Variants in ANKHD1 observed in about 807,000 individuals in gnomAD.
The protein encoded by ANKHD1 is ankyrin repeat and KH domain containing 1, also known as ankyrin repeat and KH domain-containing protein 1.
A neutral mutation model predicts 230.5 loss-of-function variants in ANKHD1; 31 were observed. That is an observed-to-expected ratio of 0.13 (90% CI 0.10 to 0.18). The LOEUF is 0.18. Ranked by LOEUF, ANKHD1 falls within the 10% of genes least tolerant of loss-of-function variation. The pLI, the probability that ANKHD1 is intolerant of heterozygous loss-of-function variation, is 1.00. For synonymous variants in ANKHD1, 1,074 were observed against 1,117.6 expected (o/e 0.96, Z 0.78); for missense variants, 2,256 against 3,071.3 (o/e 0.73, Z 6.27).
In ANKHD1 at chr5:140,471,461, G is replaced by C. The variant is rs189902272; in HGVS notation, c.1782+6685G>C. ...TAAGGTGGCAGGGAAGAGGAAGTGA[G>C]CCTTAACAGTTAGCTTCTTAAAATC... is the stretch of plus-strand genomic sequence containing the variant. On this transcript the variant is annotated intron_variant, in intron 10 of 33. Coordinates refer to ENST00000360839, the MANE Select transcript of ANKHD1 (RefSeq NM_017747.3). Among the ~76,000 whole-genome samples the C allele has an allele frequency of 2.4e-3, 372 of 152,300 alleles. 1 individual carries two copies. The highest frequency in any genetic ancestry group is 3.9e-3 in the Non-Finnish European group (268 of 68,008).
chr5:140,468,591 G>A (rs1384397713), intron 10 of ANKHD1, among the ~76,000 whole-genome samples: 4 of 151,980 alleles, frequency 2.6e-5, no homozygotes, highest in Admixed American at 6.6e-5. Context: ...AGAAAACATA[G>A]ACCCAAGTCC....
chr5:140,442,039 T>TC (rs1773894073), intron 5 of ANKHD1, among the ~76,000 whole-genome samples: 1 of 138,564 alleles, frequency 7.2e-6, no homozygotes, highest in African/African-American at 2.7e-5. Flanking sequence ...TATTCTTTTT[T>TC]TTTTTTTTTT....
intron 1 of ANKHD1, among the ~76,000 whole-genome samples, chr5:140,404,610 T>C (rs1770264595): frequency 6.6e-6 from 1 of 151,960 alleles, no homozygotes; most frequent in African/African-American, 2.4e-5. Context: ...TTTTTTTGTA[T>C]TTTTAGTAGA....
At chr5:140,405,442 C>G (rs1770358406) in intron 1 of ANKHD1, among the ~76,000 whole-genome samples, 1 of 151,964 alleles carries the variant, frequency 6.6e-6, no homozygotes, top group Non-Finnish European at 1.5e-5. Flanking sequence ...ATAAAATGAC[C>G]TGTTTTGGCC....
chr5:140,516,877 T>C (rs1753037825), intron 24 of ANKHD1, among the ~76,000 whole-genome samples: 1 of 150,848 alleles, frequency 6.6e-6, no homozygotes, highest in African/African-American at 2.4e-5. Flanking sequence ...AGAAACTGCA[T>C]CAACTAACGA....
chr5:140,539,391 A>G lies in ANKHD1; in HGVS notation c.7602A>G (p.Gly2534=). Residue 2534 remains glycine, a synonymous_variant, in exon 34 of 34, where the codon GGA becomes GGG. Coordinates refer to ENST00000360839, the MANE Select transcript of ANKHD1 (RefSeq NM_017747.3). ...CTGGCACGTGGGCACCTCATATTGG[A>G]AACATGCATCTCAAATATGTCAACT... ...IWPGTWAPHI[G]NMHLKYVN is the part of the protein sequence containing the mutation. 1 of 1,613,936 alleles carries G rather than the reference A, an allele frequency of 6.2e-7. No homozygotes were observed. Among genetic ancestry groups the G allele is most frequent in the Non-Finnish European group, 8.5e-7 (1 of 1,179,898 alleles).
At position 140,459,336 on chromosome 5, in the gene ANKHD1, T is replaced by C. The variant is rs1775534654; in HGVS notation, c.1653T>C (p.Val551=). ...CTCAGGAGGGACACCTGGAATTGGT[T>C]AAATATTTGCTGGCTTCTGGTATGT... ...EASQEGHLEL[V]KYLLASGANV... Residue 551 remains valine (V), a synonymous_variant, in exon 9 of 34, where the codon GTT becomes GTC. Transcript: ENST00000360839. 1.3e-6 allele frequency: 2 copies of C among 1,570,630 alleles called. No homozygotes were observed. Among genetic ancestry groups the C allele is most frequent in the Non-Finnish European group, 8.7e-7 (1 of 1,152,170 alleles).
Position 140,539,031 on chromosome 5 carries a change from A to G in ANKHD1, c.7517A>G (p.Asn2506Ser). The change falls in exon 33 of 34, where the codon AAC becomes AGC. Residue 2506 changes from asparagine (N) to serine (S), a missense_variant. This residue lies in a region of ANKHD1 where 778 missense variants were observed against 966.5 expected (regional missense o/e 0.80). Transcript: ENST00000360839. ...CTTCACAATCCAGATCCTGCTTGGAACCCTATGATAAAAGTTATCCAAAAT... is the reference window on the plus strand; with the variant it reads ...CTTCACAATCCAGATCCTGCTTGGAGCCCTATGATAAAAGTTATCCAAAAT... ...NGLHNPDPAWNPMIKVIQNST... is the reference protein window; with the variant it reads ...NGLHNPDPAWSPMIKVIQNST... 4.3e-6 allele frequency: 7 copies of G among 1,612,934 alleles called. No individual in the cohort carries two copies. The highest frequency in any genetic ancestry group is 5.9e-6 in the Non-Finnish European group (7 of 1,179,602).
chr5:140,529,565 G>C lies in ANKHD1; in HGVS notation c.6619G>C (p.Ala2207Pro), dbSNP rs200190128. 2.5e-6 allele frequency: 4 copies of C among 1,614,222 alleles called. No homozygotes were observed. The highest frequency in any genetic ancestry group is 3.4e-6 in the Non-Finnish European group (4 of 1,180,046). Residue 2207 changes from alanine (A) to proline (P), a missense_variant, in exon 29 of 34, where the codon GCC (alanine) becomes CCC (proline). Physicochemically the swap from Ala to Pro is conservative, Grantham distance 27. Coordinates refer to ENST00000360839, the MANE Select transcript of ANKHD1 (RefSeq NM_017747.3). Reference sequence around the variant, plus strand: ...GTCTTTGCCACCTACATTTGGCCCAGCCACACTTTTCAATCACTTCAGCAG... The same window carrying C: ...GTCTTTGCCACCTACATTTGGCCCACCCACACTTTTCAATCACTTCAGCAG... Reference protein sequence around the residue: ...NKSLPPTFGPATLFNHFSSLF... With the variant: ...NKSLPPTFGPPTLFNHFSSLF...
At chr5:140,427,588 G>A (rs1249641504) in intron 1 of ANKHD1, among the ~76,000 whole-genome samples, 58 of 145,384 alleles carry the variant, frequency 4.0e-4, no homozygotes, top group Middle Eastern at 3.8e-3. Flanking sequence ...GCGGCTGGCC[G>A]GGCGGGGGGC....
chr5:140,536,668 G>A (rs577321424), intron 30 of ANKHD1, among the ~76,000 whole-genome samples: 1 of 152,130 alleles, frequency 6.6e-6, no homozygotes, highest in African/African-American at 2.4e-5. Context: ...AGTATAGAGG[G>A]TCACCAGATG....
chr5:140,435,475 G>A (rs1386468340), intron 1 of ANKHD1, among the ~76,000 whole-genome samples: 1 of 151,468 alleles, frequency 6.6e-6, no homozygotes, highest in Non-Finnish European at 1.5e-5. Context: ...TCTTCTCCTG[G>A]GTTCAAGCAA....
chr5:140,475,879 T>C (rs1291802518), intron 10 of ANKHD1, among the ~76,000 whole-genome samples: 1 of 152,196 alleles, frequency 6.6e-6, no homozygotes, highest in Non-Finnish European at 1.5e-5. Context: ...AGAGCGAATC[T>C]TTATCAAGAA....
Position 140,472,422 on chromosome 5 carries a change from T to C in ANKHD1, c.1782+7646T>C, listed in dbSNP as rs1776558827. On this transcript the variant is annotated intron_variant, in intron 10 of 33. Transcript: ENST00000360839. ...CCCTGCTGGGTGACAAAGGAAATCC[T>C]CTTCAATTGAAAAAGATTATGAAGT... 6 of 1,409,212 alleles carry C rather than the reference T, an allele frequency of 4.3e-6. No individual in the cohort carries two copies. The South Asian group carries it at 1.1e-4, about 25-fold the overall frequency. The allele number at this position is 1,409,212 out of a possible 1,614,324, so 87.3% of individuals were successfully genotyped here.
At chr5:140,465,450 T>C (rs898568239) in intron 10 of ANKHD1, among the ~76,000 whole-genome samples, 1 of 152,220 alleles carries the variant, frequency 6.6e-6, no homozygotes, top group African/African-American at 2.4e-5. Context: ...TGCCTCTTGC[T>C]GAAATGTGTG....
chr5:140,533,775 CAAAAAAAAAAAAA>C (rs1167136822), intron 29 of ANKHD1, among the ~76,000 whole-genome samples: 1 of 29,662 alleles, frequency 3.4e-5, no homozygotes, highest in Non-Finnish European at 7.5e-5. Context: ...GACCCTGTCT[CAAAAAAAAAAAAA>C]AAAAAAAAAA....
At chr5:140,484,428 T>A (rs1751418979) in intron 11 of ANKHD1, among the ~76,000 whole-genome samples, 1 of 152,212 alleles carries the variant, frequency 6.6e-6, no homozygotes, top group Non-Finnish European at 1.5e-5. Context: ...ACAACTTGCC[T>A]TTCAGATAAC....
chr5:140,476,122 AT>A (rs1037393366), intron 10 of ANKHD1, among the ~76,000 whole-genome samples: 5 of 152,142 alleles, frequency 3.3e-5, no homozygotes, highest in African/African-American at 1.2e-4. Context: ...AAGACAGCAT[AT>A]TAGACACAGT....
At chr5:140,449,095 G>T in intron 6 of ANKHD1, 116 bp from the exon 7 acceptor site, 36 of 1,045,956 alleles carry the variant, frequency 3.4e-5, no homozygotes, top group East Asian at 6.0e-5. Flanking sequence ...TTTATTGAAT[G>T]CAAAATAAGT....
Sources: allele counts gnomAD v4.1 joint callset (sites outside exome capture counted in the v4.1 genomes callset), GRCh38; gene constraint gnomAD v4.1.1; regional missense constraint gnomAD v4.1.1; transcripts MANE v1.5; gene names NCBI Gene and HGNC (gene_info 2026-07-23, HGNC 2026-07-21).